Variants in NRCAM observed in about 807,000 individuals in gnomAD.
NRCAM encodes neuronal cell adhesion molecule, also known as NgCAM-related cell adhesion molecule.
A neutral mutation model predicts 156.5 loss-of-function variants in NRCAM; 83 were observed. The observed-to-expected ratio is 0.53, with a 90% confidence interval of 0.44 to 0.64. NRCAM has a LOEUF of 0.64. Ranked by LOEUF, NRCAM falls within the 30% of genes least tolerant of loss-of-function variation. NRCAM has a pLI of 0.00. For synonymous variants in NRCAM, 538 were observed against 563.9 expected (o/e 0.95, Z 0.65); for missense variants, 1,417 against 1,597.3 (o/e 0.89, Z 1.92).
chr7:108,356,320 CTAT>C lies in NRCAM; in HGVS notation c.-174+43113_-174+43115del, dbSNP rs769154259. On this transcript the variant is annotated intron_variant, in intron 2 of 32. Transcript: ENST00000379028. Reference sequence around the variant, plus strand: ...ATTACAGTATGCTGTTATAATTGTTCTATTATTATTAATCTTTTACTGTTCCTA... The same window carrying C: ...ATTACAGTATGCTGTTATAATTGTTCTATTATTAATCTTTTACTGTTCCTA... Among the ~76,000 whole-genome samples, 33 of 152,160 alleles carry C rather than the reference CTAT, an allele frequency of 2.2e-4. No homozygotes were observed. The South Asian group carries it at 2.5e-3, about 12-fold the overall frequency.
chr7:108,173,505 T>A (rs2059321246), intron 28 of NRCAM, among the ~76,000 whole-genome samples: 1 of 152,068 alleles, frequency 6.6e-6, no homozygotes, highest in Admixed American at 6.6e-5. Context: ...ATTTTCAGAT[T>A]GAAAAAAAGA....
chr7:108,172,826 C>T (rs1403543883), intron 28 of NRCAM, among the ~76,000 whole-genome samples: 2 of 152,086 alleles, frequency 1.3e-5, no homozygotes, highest in Non-Finnish European at 2.9e-5. Flanking sequence ...TGTAATTATA[C>T]ATTTGAAAAC....
intron 1 of NRCAM, among the ~76,000 whole-genome samples, chr7:108,437,458 ATAAATGC>A (rs1385128779): frequency 1.3e-5 from 2 of 152,254 alleles, no homozygotes; most frequent in Non-Finnish European, 2.9e-5. Flanking sequence ...AACACAAAGG[ATAAATGC>A]TTGAGGGGAC....
At chr7:108,219,291 G>C (rs1426514463) in intron 11 of NRCAM, among the ~76,000 whole-genome samples, 1 of 152,084 alleles carries the variant, frequency 6.6e-6, no homozygotes, top group Admixed American at 6.6e-5. Flanking sequence ...AGAAGAATTG[G>C]TACCAATCCT....
At chr7:108,243,675 G>C (rs1398643157) in intron 3 of NRCAM, among the ~76,000 whole-genome samples, 1 of 152,148 alleles carries the variant, frequency 6.6e-6, no homozygotes, top group Non-Finnish European at 1.5e-5. Context: ...GATTGAATGA[G>C]ATAAATGGTA....
In NRCAM at chr7:108,197,833, C is replaced by T. The variant is rs986607168; in HGVS notation, c.1351+123G>A. ...GGCAAGGTTTATATCTTATCCATCC[C>T]TTATAGCTCCAAGTACTGTGCATTG... On this transcript the variant is annotated intron_variant, in intron 14 of 32. Transcript: ENST00000379028. The T allele has an allele frequency of 2.2e-5, 14 of 626,758 alleles. No individual in the cohort carries two copies. The African/African-American group carries it at 2.6e-4, about 12-fold the overall frequency. 38.8% of individuals were successfully genotyped at this position (626,758 alleles called of 1,614,324 possible).
chr7:108,365,694 T>C (rs2154331714), intron 2 of NRCAM, among the ~76,000 whole-genome samples: 2 of 152,318 alleles, frequency 1.3e-5, no homozygotes, highest in South Asian at 4.1e-4. Flanking sequence ...TAAGAAAACC[T>C]GAATACAGAG....
intron 1 of NRCAM, among the ~76,000 whole-genome samples, chr7:108,433,832 C>T (rs1828792280): frequency 6.6e-6 from 1 of 152,202 alleles, no homozygotes; most frequent in South Asian, 2.1e-4. Context: ...TTATAAATTA[C>T]CCAGCCTCAA....
chr7:108,351,204 T>C (rs1055584640), intron 2 of NRCAM, among the ~76,000 whole-genome samples: 2 of 152,180 alleles, frequency 1.3e-5, no homozygotes, highest in Non-Finnish European at 2.9e-5. Context: ...CTCCTCTCTC[T>C]TGCCCTTCTG....
chr7:108,312,128 A>G (rs2098811171), intron 3 of NRCAM, among the ~76,000 whole-genome samples: 1 of 152,190 alleles, frequency 6.6e-6, no homozygotes, highest in Admixed American at 6.5e-5. Flanking sequence ...GGGGTAGGAA[A>G]TAAGAAATGG....
intron 2 of NRCAM, among the ~76,000 whole-genome samples, chr7:108,367,423 G>T (rs1199669609): frequency 6.6e-6 from 1 of 152,092 alleles, no homozygotes; most frequent in East Asian, 1.9e-4. Flanking sequence ...TTTTAAGACT[G>T]ATTAATTCTT....
At chr7:108,451,241 GAA>G (rs891105700) in intron 1 of NRCAM, among the ~76,000 whole-genome samples, 5 of 149,654 alleles carry the variant, frequency 3.3e-5, no homozygotes, top group Non-Finnish European at 7.4e-5. Flanking sequence ...AACAAAGAAA[GAA>G]AAAAAAAGTA....
Position 108,175,343 on chromosome 7 carries a change from G to A in NRCAM, c.3166C>T (p.Pro1056Ser). Reference protein sequence around the residue: ...TTVDEAGILPPDVGAGKVQAV... With the variant: ...TTVDEAGILPSDVGAGKVQAV... Reference sequence around the variant, plus strand: ...TTACCTTTGCCTGCACCTACATCAGGTGGAAGAATACCAGCTTTAATGAAG... The same window carrying A: ...TTACCTTTGCCTGCACCTACATCAGATGGAAGAATACCAGCTTTAATGAAG... Residue 1056 changes from proline to serine, a missense_variant, in exon 28 of 33, where the codon CCT (proline) becomes TCT (serine). Transcript: ENST00000379028. The A allele has an allele frequency of 6.4e-7, 1 of 1,561,632 alleles. No homozygotes were observed. The highest frequency in any genetic ancestry group is 1.2e-5 in the South Asian group (1 of 84,344).
intron 8 of NRCAM, among the ~76,000 whole-genome samples, chr7:108,230,330 C>T (rs1362694996): frequency 6.6e-6 from 1 of 151,746 alleles, no homozygotes; most frequent in Non-Finnish European, 1.5e-5. Context: ...GTCCAAGTCA[C>T]CAACAAATTT....
At chr7:108,434,478 C>A (rs1829680141) in intron 1 of NRCAM, among the ~76,000 whole-genome samples, 2 of 151,900 alleles carry the variant, frequency 1.3e-5, no homozygotes, top group African/African-American at 4.8e-5. Context: ...ACCAGGGCCA[C>A]ACAAATGTGT....
At chr7:108,163,013 A>G (rs1342775794) in intron 30 of NRCAM, among the ~76,000 whole-genome samples, 4 of 152,134 alleles carry the variant, frequency 2.6e-5, no homozygotes, top group Non-Finnish European at 5.9e-5. Context: ...ACACATACAC[A>G]CACATGCGCA....
At chr7:108,235,875 G>A (rs376474374) in intron 5 of NRCAM, among the ~76,000 whole-genome samples, 1 of 152,158 alleles carries the variant, frequency 6.6e-6, no homozygotes, top group Non-Finnish European at 1.5e-5. Flanking sequence ...AGACGACAAT[G>A]TGCTTGGCAC....
chr7:108,213,279 C>T (rs903513979), intron 11 of NRCAM, among the ~76,000 whole-genome samples: 3 of 152,118 alleles, frequency 2.0e-5, no homozygotes, highest in African/African-American at 7.2e-5. Context: ...GGAAACACAT[C>T]AAAACAGAAC....
At chr7:108,266,627 T>C (rs939969493) in intron 3 of NRCAM, among the ~76,000 whole-genome samples, 3 of 152,196 alleles carry the variant, frequency 2.0e-5, no homozygotes, top group Non-Finnish European at 2.9e-5. Flanking sequence ...AAAATTGTCA[T>C]AAAGAGACAA....
Sources: allele counts gnomAD v4.1 joint callset (sites outside exome capture counted in the v4.1 genomes callset), GRCh38; gene constraint gnomAD v4.1.1; transcripts MANE v1.5; gene names NCBI Gene and HGNC (gene_info 2026-07-23, HGNC 2026-07-21).